COL6A5: variants seen among roughly 807,000 people sequenced by gnomAD.
The protein encoded by COL6A5 is collagen alpha-5(VI) chain.
In COL6A5, 48 loss-of-function variants were observed where a neutral mutation model predicts 65.6. That is an observed-to-expected ratio of 0.73 (90% confidence interval 0.58 to 0.93). The LOEUF is 0.93. Among genes scored for constraint, COL6A5 ranks in the 40% least tolerant of loss-of-function variants. The pLI, the probability that COL6A5 is intolerant of heterozygous loss-of-function variation, is 0.00. For synonymous variants in COL6A5, 291 were observed against 322.8 expected, an observed-to-expected ratio of 0.90 and a Z score of 1.05; for missense variants, 914 against 928.3, an observed-to-expected ratio of 0.98 and a Z score of 0.20.
intron 2 of COL6A5, among the ~76,000 whole-genome samples, 184 bp downstream of exon 34, chr3:130,439,799 T>G (rs1196170609): frequency 6.6e-6 from 1 of 152,122 alleles, no homozygotes. Context: ...CCATAGAATG[T>G]GAAAATTGGT....
chr3:130,384,893 T>C (rs1277385052), exon 5 of COL6A5: 3 of 1,550,756 alleles, frequency 1.9e-6, no homozygotes, highest in Non-Finnish European at 2.6e-6. Flanking sequence ...AATCAAGAGA[T>C]TTATGTTGGA....
chr3:130,390,636 G>T (rs1379891551), intron 6 of COL6A5, among the ~76,000 whole-genome samples: 3 of 152,120 alleles, frequency 2.0e-5, no homozygotes, highest in Non-Finnish European at 1.5e-5. Context: ...AATTCAAAAG[G>T]TTAGGGGAAA....
chr3:130,435,498 G>T, intron 1 of COL6A5, among the ~76,000 whole-genome samples: 1 of 152,008 alleles, frequency 6.6e-6, no homozygotes, highest in African/African-American at 2.4e-5. Context: ...TAGTTTAATG[G>T]GAATAGCATT....
Position 130,400,572 on chromosome 3 carries a change from C to A in COL6A5, c.3992-459C>A, listed in dbSNP as rs572866360. On this transcript the variant is annotated intron_variant and NMD_transcript_variant, in intron 10 of 41. Transcript: ENST00000312481. ...TTGCCCTGGGCTTTCCTCATGTTCT[C>A]AGGGCTTGGCCTCCCAGGGGTGTTT... Among the ~76,000 whole-genome samples the A allele has an allele frequency of 2.6e-5, 4 of 152,304 alleles. No individual in the cohort carries two copies. In the East Asian group the frequency reaches 5.8e-4, roughly 22 times the overall value.
chr3:130,415,245 G>C (rs1260497283), intron 22 of COL6A5, among the ~76,000 whole-genome samples: 1 of 152,082 alleles, frequency 6.6e-6, no homozygotes, highest in Non-Finnish European at 1.5e-5. Context: ...CTGCTAAGAC[G>C]CCCTTTTGTG....
chr3:130,360,083 A>G (rs74661233), intron 1 of COL6A5, among the ~76,000 whole-genome samples: 6,154 of 152,154 alleles, frequency 0.04, 198 homozygotes, highest in Middle Eastern at 0.12. Context: ...TTCATACCAA[A>G]CACCAGAAAG....
chr3:130,398,815 G>T (rs1936707951), intron 10 of COL6A5, among the ~76,000 whole-genome samples: 1 of 152,152 alleles, frequency 6.6e-6, no homozygotes, highest in Non-Finnish European at 1.5e-5. Flanking sequence ...AGTCCCTCAT[G>T]AATCAGGCAA....
intron 4 of COL6A5, among the ~76,000 whole-genome samples, chr3:130,446,746 G>A (rs759655178): frequency 6.6e-5 from 10 of 152,114 alleles, no homozygotes; most frequent in East Asian, 3.9e-4. Context: ...ATGATCTCCC[G>A]GTGAAACACA....
exon 3 of COL6A5, chr3:130,440,703 A>T: frequency 6.2e-7 from 1 of 1,613,602 alleles, no homozygotes; most frequent in Admixed American, 1.7e-5. Context: ...ACACGTAAGG[A>T]TGACATGGAG....
At chr3:130,472,575 A>G (rs1709978212) in intron 7 of COL6A5, among the ~76,000 whole-genome samples, 1 of 151,914 alleles carries the variant, frequency 6.6e-6, no homozygotes, top group Non-Finnish European at 1.5e-5. Flanking sequence ...ATTCCTTGGT[A>G]TCTACTAAAG....
chr3:130,383,025 G>A (rs1936061092), intron 4 of COL6A5, among the ~76,000 whole-genome samples: 1 of 151,970 alleles, frequency 6.6e-6, no homozygotes, highest in African/African-American at 2.4e-5. Flanking sequence ...CAATTGAAAT[G>A]TTTAGTAGCA....
intron 1 of COL6A5, 75 bp from the exon 34 acceptor site, chr3:130,439,437 GTTTTTTAAAC>G: frequency 3.2e-6 from 3 of 929,826 alleles, no homozygotes; most frequent in Non-Finnish European, 3.3e-6. Context: ...TTAGTTGGGT[GTTTTTTAAAC>G]TAATCCTTAA....
exon 3 of COL6A5, chr3:130,376,726 A>T: frequency 6.2e-7 from 1 of 1,613,702 alleles, no homozygotes; most frequent in Non-Finnish European, 8.5e-7. Flanking sequence ...TCCCATTTCC[A>T]TTTCAACCTT....
At chr3:130,421,492 CT>C in intron 27 of COL6A5, 132 bp downstream of exon 27, 1 of 816,966 alleles carries the variant, frequency 1.2e-6, no homozygotes, top group Non-Finnish European at 2.0e-6. Flanking sequence ...CTTGGGCTTC[CT>C]GAGGAAAGAA....
Position 130,409,201 on chromosome 3 carries a change from A to C in COL6A5, c.4480-125A>C, listed in dbSNP as rs115199195. 1,579 of 635,740 alleles carry C rather than the reference A, an allele frequency of 2.5e-3. 22 individuals are homozygous for C. In the African/African-American group the frequency reaches 0.026, roughly 10 times the overall value. 39.4% of individuals were successfully genotyped at this position (635,740 alleles called of 1,614,324 possible). ...AGTACTGCTTGAGAAGTCTGAGGGA[A>C]TCTGACTGTGATAGGACAAAGAGCA... On this transcript the variant is annotated intron_variant and NMD_transcript_variant, in intron 17 of 41. Transcript: ENST00000312481.
At chr3:130,391,095 A>C in intron 6 of COL6A5, 84 bp from the exon 7 acceptor site, 1 of 934,622 alleles carries the variant, frequency 1.1e-6, no homozygotes, top group East Asian at 2.6e-5. Flanking sequence ...GGCTCATGGC[A>C]AATGCCAGTT....
upstream of COL6A5, among the ~76,000 whole-genome samples, chr3:130,427,710 T>C (rs1323765999): frequency 6.6e-6 from 1 of 152,014 alleles, no homozygotes; most frequent in African/African-American, 2.4e-5. Flanking sequence ...TTTCTCCAAA[T>C]GTAAAATTAG....
intron 4 of COL6A5, among the ~76,000 whole-genome samples, chr3:130,452,214 G>C (rs1709459760): frequency 6.6e-6 from 1 of 152,076 alleles, no homozygotes; most frequent in African/African-American, 2.4e-5. Context: ...TGTTTCTGTG[G>C]ACCAAACCGA....
At chr3:130,446,687 T>C (rs1476849418) in intron 4 of COL6A5, among the ~76,000 whole-genome samples, 5 of 152,064 alleles carry the variant, frequency 3.3e-5, no homozygotes, top group Admixed American at 6.5e-5. Flanking sequence ...TCATTGTCAG[T>C]ATTCACCTGA....
Sources: allele counts gnomAD v4.1 joint callset (sites outside exome capture counted in the v4.1 genomes callset), GRCh38; gene constraint gnomAD v4.1.1; transcripts MANE v1.5; gene names NCBI Gene and HGNC (gene_info 2026-07-23, HGNC 2026-07-21).